BUD13: variants seen among roughly 807,000 people sequenced by gnomAD.
BUD13 encodes the protein BUD13 spliceosome associated protein.
A neutral mutation model predicts 62.5 loss-of-function variants in BUD13; 47 were observed. The observed-to-expected ratio is 0.75, with a 90% CI of 0.60 to 0.96. The LOEUF (loss-of-function observed/expected upper bound fraction) is 0.96. Among genes scored for constraint, BUD13 ranks in the 40% least tolerant of loss-of-function variants. BUD13 has a pLI of 0.00. For synonymous variants in BUD13, 293 were observed against 280.1 expected (o/e 1.05, Z -0.46); for missense variants, 821 against 790.9 (o/e 1.04, Z -0.46).
intron 3 of BUD13, 44 bp from the exon 4 acceptor site, chr11:116,763,310 T>C: frequency 6.7e-7 from 1 of 1,494,240 alleles, no homozygotes; most frequent in African/African-American, 1.4e-5. Flanking sequence ...AAATGCTCTG[T>C]CCCTCTGTCC....
chr11:116,757,930 T>C lies in BUD13; in HGVS notation c.1520A>G (p.Gln507Arg), dbSNP rs765739916. 12 of 1,613,962 alleles carry C rather than the reference T, an allele frequency of 7.4e-6. No individual in the cohort carries two copies. The South Asian group carries it at 9.9e-5, about 13-fold the overall frequency. Reference sequence around the variant, plus strand: ...CATTGCATCCTCCACATTTTGTTGCTGTTGCCGGCTCTGGGCAAGCCTGGG... The same window carrying C: ...CATTGCATCCTCCACATTTTGTTGCCGTTGCCGGCTCTGGGCAAGCCTGGG... ...WGKGLAQSRQ[Q>R]QQNVEDAMKE... The change falls in exon 8 of 10, where the codon CAG becomes CGG. Residue 507 changes from glutamine to arginine, a missense_variant. Transcript: ENST00000260210.
intron 6 of BUD13, 58 bp downstream of exon 6, chr11:116,759,016 A>AG: frequency 9.0e-7 from 1 of 1,112,332 alleles, no homozygotes; most frequent in Non-Finnish European, 1.3e-6. Flanking sequence ...AATAAGCTAA[A>AG]TTAAAAAAAA....
Position 116,763,274 on chromosome 11 carries a change from CA to C in BUD13, c.323-9del. ...GTAGGTCTTCGTTGTGGCCTAAACA[CA>C]AATAACAAAGAGTCAGATTCCCACA... On this transcript the variant is annotated splice_polypyrimidine_tract_variant and intron_variant, in intron 3 of 9. Transcript: ENST00000260210. The C allele has an allele frequency of 6.6e-7, 1 of 1,523,766 alleles. No homozygotes were observed. Among genetic ancestry groups the C allele is most frequent in the Non-Finnish European group, 8.8e-7 (1 of 1,137,462 alleles). The allele number at this position is 1,523,766 out of a possible 1,614,324, so 94.4% of individuals were successfully genotyped here. A position where few individuals can be genotyped will look rare whatever the true frequency, so the allele number is the denominator to read the frequency against.
At chr11:116,769,888 C>T (rs4938311) in intron 2 of BUD13, among the ~76,000 whole-genome samples, 3,955 of 150,984 alleles carry the variant, frequency 0.026, 123 homozygotes, top group East Asian at 0.13. Flanking sequence ...CCCATTTCTA[C>T]AAAAATTAAA....
intron 2 of BUD13, among the ~76,000 whole-genome samples, chr11:116,766,916 G>A (rs566515170): frequency 1.4e-4 from 22 of 152,146 alleles, no homozygotes; most frequent in Non-Finnish European, 2.4e-4. Flanking sequence ...GGCCAGGTGC[G>A]GTGGCTCATT....
intron 9 of BUD13, among the ~76,000 whole-genome samples, chr11:116,755,362 T>C (rs1307176973): frequency 6.6e-6 from 1 of 152,178 alleles, no homozygotes; most frequent in East Asian, 1.9e-4. Flanking sequence ...ATGTCAACAT[T>C]TGGAAGGTCT....
chr11:116,757,514 C>T (rs1940350202), intron 8 of BUD13, among the ~76,000 whole-genome samples: 1 of 151,386 alleles, frequency 6.6e-6, no homozygotes, highest in Non-Finnish European at 1.5e-5. Flanking sequence ...CCATGTTGGC[C>T]AGGCTGGTCT....
intron 2 of BUD13, among the ~76,000 whole-genome samples, chr11:116,769,557 T>C (rs1940586056): frequency 6.6e-6 from 1 of 152,216 alleles, no homozygotes; most frequent in African/African-American, 2.4e-5. Context: ...CTAAGTCTCA[T>C]CATTACTCTA....
chr11:116,755,159 G>T (rs12421652), intron 9 of BUD13, among the ~76,000 whole-genome samples: 17,469 of 152,226 alleles, frequency 0.11, 1,321 homozygotes, highest in South Asian at 0.28. Context: ...GGAAATCTCA[G>T]CAGAGAAATT....
At chr11:116,768,573 CT>C (rs1940571035) in intron 2 of BUD13, among the ~76,000 whole-genome samples, 1 of 151,908 alleles carries the variant, frequency 6.6e-6, no homozygotes, top group Non-Finnish European at 1.5e-5. Flanking sequence ...ATATGCATTG[CT>C]TTTATAAAAT....
In BUD13 at chr11:116,762,558, G is replaced by A; in HGVS notation, c.1031C>T (p.Ser344Phe). 1 of 1,606,446 alleles carries A rather than the reference G, an allele frequency of 6.2e-7. No individual in the cohort carries two copies. The highest frequency in any genetic ancestry group is 2.2e-5 in the East Asian group (1 of 44,848). Residue 344 changes from serine (S) to phenylalanine (F), a missense_variant, in exon 4 of 10, where the codon TCC becomes TTC. Transcript: ENST00000260210. Reference protein sequence around the residue: ...SHFGDKKQLDSKGDCQKATDS... With the variant: ...SHFGDKKQLDFKGDCQKATDS... ...ATGGACAGTCATATGCTCACCTTTG[G>A]AATCAAGCTGCTTCTTGTCTCCAAA...
In BUD13 at chr11:116,767,975, AAATAATAATAATAAT is replaced by A. The variant is rs57099961; in HGVS notation, c.237+2139_237+2153del. 6.1e-4 allele frequency among the ~76,000 whole-genome samples: 87 copies of A among 143,678 alleles called. 5 individuals are homozygous for A. The highest frequency in any genetic ancestry group is 1.6e-3 in the East Asian group (8 of 4,902). The allele number at this position is 143,678 out of a possible 152,430, so 94.3% of individuals were successfully genotyped here. On this transcript the variant is annotated intron_variant, in intron 2 of 9. Coordinates refer to ENST00000260210, the MANE Select transcript of BUD13 (RefSeq NM_032725.4). ...GCAACAGAGCAAGACCCTGTCTCAA[AAATAATAATAATAAT>A]AATAATAATAATAATAATAATAATA...
At chr11:116,748,980 C>CAAAAAAAAAAAAAAAAAAAAGAAAA (rs1940188158) in intron 9 of BUD13, among the ~76,000 whole-genome samples, 1 of 87,016 alleles carries the variant, frequency 1.1e-5, no homozygotes, top group African/African-American at 4.4e-5. Context: ...GACTCTGTCT[C>CAAAAAAAAAAAAAAAAAAAAGAAAA]AAAAAAAAAA....
chr11:116,756,034 C>T (rs1410760306), intron 9 of BUD13, among the ~76,000 whole-genome samples: 4 of 152,080 alleles, frequency 2.6e-5, no homozygotes, highest in Non-Finnish European at 5.9e-5. Context: ...GTGGCAAAAC[C>T]TCGTCTCTAC....
chr11:116,765,670 A>G (rs564109332), intron 2 of BUD13, among the ~76,000 whole-genome samples: 2 of 152,368 alleles, frequency 1.3e-5, no homozygotes, highest in South Asian at 2.1e-4. Context: ...TAATTAATCA[A>G]TTACCCTGCA....
At chr11:116,770,289 G>A (rs1186503919) in intron 1 of BUD13, 67 bp from the exon 2 acceptor site, 4 of 1,419,386 alleles carry the variant, frequency 2.8e-6, no homozygotes, top group Non-Finnish European at 9.6e-7. Flanking sequence ...TTTATCTATT[G>A]GTTTTAAAAT....
chr11:116,760,255 A>G (rs1235965807), intron 5 of BUD13, among the ~76,000 whole-genome samples: 6 of 152,374 alleles, frequency 3.9e-5, no homozygotes, highest in African/African-American at 4.8e-5. Flanking sequence ...CTTAATTATC[A>G]TAACAACCTT....
chr11:116,752,572 G>A (rs1940255542), intron 9 of BUD13, among the ~76,000 whole-genome samples: 1 of 152,130 alleles, frequency 6.6e-6, no homozygotes, highest in Admixed American at 6.6e-5. Context: ...AAACTCGGTA[G>A]CAGGGAACAT....
chr11:116,752,061 A>G (rs566659784), intron 9 of BUD13, among the ~76,000 whole-genome samples: 13 of 152,152 alleles, frequency 8.5e-5, no homozygotes, highest in African/African-American at 2.9e-4. Context: ...CTCCTGCCTC[A>G]GCCTTCCGAG....
Sources: allele counts gnomAD v4.1 joint callset (sites outside exome capture counted in the v4.1 genomes callset), GRCh38; gene constraint gnomAD v4.1.1; transcripts MANE v1.5; gene names NCBI Gene and HGNC (gene_info 2026-07-23, HGNC 2026-07-21).